The following DHTKD1 variants were observed in gnomAD, a reference collection of about 807,000 sequenced individuals.
The protein encoded by DHTKD1 is dehydrogenase E1 and transketolase domain containing 1, also known as 2-oxoadipate dehydrogenase complex component E1.
DHTKD1 carries 78 observed loss-of-function variants against 101.8 expected under a neutral mutation model. That is an observed-to-expected ratio of 0.77 (90% CI 0.64 to 0.93). The LOEUF (loss-of-function observed/expected upper bound fraction) is 0.93, where lower values mean the gene tolerates loss of function less well. DHTKD1 is among the 40% of genes least tolerant of loss of function. DHTKD1 has a pLI of 0.00. For missense variants in DHTKD1, 1,223 were observed against 1,161.7 expected (o/e 1.05, Z -0.77); for synonymous variants, 462 against 450.3 (o/e 1.03, Z -0.33).
At chr10:12,070,717 G>A (rs1198515589) in intron 1 of DHTKD1, among the ~76,000 whole-genome samples, 2 of 152,254 alleles carry the variant, frequency 1.3e-5, no homozygotes, top group African/African-American at 2.4e-5. Flanking sequence ...TTGAACTCCC[G>A]ACCTGAAGTG....
chr10:12,074,850 T>C (rs1832702257), intron 1 of DHTKD1, among the ~76,000 whole-genome samples: 1 of 152,072 alleles, frequency 6.6e-6, no homozygotes. Flanking sequence ...CCCATTCCCA[T>C]TGCAAACCAG....
chr10:12,080,443 T>C (rs1832798540), intron 1 of DHTKD1, among the ~76,000 whole-genome samples: 1 of 151,956 alleles, frequency 6.6e-6, no homozygotes, highest in African/African-American at 2.4e-5. Flanking sequence ...CCAGGTACAT[T>C]GGTTCACGCC....
intron 7 of DHTKD1, among the ~76,000 whole-genome samples, chr10:12,096,404 G>A (rs1669148175): frequency 6.6e-6 from 1 of 151,900 alleles, no homozygotes; most frequent in South Asian, 2.1e-4. Context: ...TTATTTTTTT[G>A]AGACACGGTC....
At chr10:12,071,758 C>G (rs1017705158) in intron 1 of DHTKD1, among the ~76,000 whole-genome samples, 7 of 152,082 alleles carry the variant, frequency 4.6e-5, no homozygotes. Context: ...GAACTCCTGT[C>G]CTCAGGTGAA....
rs1238717523 is a variant in DHTKD1 at position 12,118,901 on chromosome 10, A to G, written c.2555A>G (p.Lys852Arg). The change falls in exon 15 of 17, where the codon AAA (lysine) becomes AGA (arginine). Residue 852 changes from lysine (K) to arginine (R), a missense_variant. Lys to Arg is a conservative substitution (Grantham distance 26). Transcript: ENST00000263035. ...GATTCTTTACAGCAAGAGATGAGCA[A>G]ATACAAACATGTTAAAGGTAAGAGG... The part of the protein sequence containing the change: ...PLDSLQQEMS[K>R]YKHVKDHIWS... 3.8e-6 allele frequency: 6 copies of G among 1,581,028 alleles called. No homozygotes were observed. The highest frequency in any genetic ancestry group is 8.6e-7 in the Non-Finnish European group (1 of 1,164,758).
At chr10:12,081,972 A>T (rs1032120329) in intron 2 of DHTKD1, among the ~76,000 whole-genome samples, 5 of 151,766 alleles carry the variant, frequency 3.3e-5, no homozygotes, top group East Asian at 1.9e-4. Context: ...AAAAAAAAAA[A>T]AAAAAATAAC....
Position 12,089,230 on chromosome 10 carries a change from C to T in DHTKD1, c.962C>T (p.Pro321Leu), listed in dbSNP as rs755528865. The T allele has an allele frequency of 4.0e-5, 64 of 1,613,924 alleles. No individual in the cohort carries two copies. Among genetic ancestry groups the T allele is most frequent in the Non-Finnish European group, 5.0e-5 (59 of 1,180,042 alleles). The change falls in exon 5 of 17, where the codon CCG (proline) becomes CTG (leucine). Residue 321 changes from proline to leucine, a missense_variant. Pro to Leu is a moderately conservative substitution (Grantham distance 98). Coordinates refer to ENST00000263035, the MANE Select transcript of DHTKD1 (RefSeq NM_018706.7). The stretch of plus-strand genomic sequence containing the variant: ...TACTCTCCAGACAACTCAGCCCAGC[C>T]GGGGGACAGGGTCATTTGCTTACAG... ...GDYSPDNSAQ[P>L]GDRVICLQVH...
In DHTKD1 at chr10:12,081,976, A is replaced by T. The variant is rs557462922; in HGVS notation, c.310+349A>T. Among the ~76,000 whole-genome samples, 129 of 149,656 alleles carry T rather than the reference A, an allele frequency of 8.6e-4. 1 individual carries two copies. Among genetic ancestry groups the T allele is most frequent in the Admixed American group, 4.9e-3 (73 of 14,932 alleles). On this transcript the variant is annotated intron_variant, in intron 2 of 16. Coordinates refer to ENST00000263035, the MANE Select transcript of DHTKD1 (RefSeq NM_018706.7). ...CTGTCTCTACAAAAAAAAAAAAAAA[A>T]AATAACTGGGCATGGTGGTGCACGC...
At position 12,107,321 on chromosome 10, in the gene DHTKD1, G is replaced by T. The variant is rs756783302; in HGVS notation, c.2048-588G>T. Among the ~76,000 whole-genome samples, 7 of 151,950 alleles carry T rather than the reference G, an allele frequency of 4.6e-5. No individual in the cohort carries two copies. Among genetic ancestry groups the T allele is most frequent in the Non-Finnish European group, 1.0e-4 (7 of 67,940 alleles). On this transcript the variant is annotated intron_variant, in intron 11 of 16. Coordinates refer to ENST00000263035, the MANE Select transcript of DHTKD1 (RefSeq NM_018706.7). This position sits in a 1 kb window ranked among gnomAD's most constrained non-coding sequence, Gnocchi z 4.1. ...CATTCTTGTAAGAGTGGTGCCTGCG[G>T]TGGTATTGGAGCGGCATGTGCTGTC...
chr10:12,098,687 C>T (rs1833111542), intron 8 of DHTKD1, among the ~76,000 whole-genome samples: 1 of 152,162 alleles, frequency 6.6e-6, no homozygotes. Context: ...GCCTCAGCCT[C>T]CTGAGTAGCT....
At chr10:12,114,180 A>G (rs573069880) in intron 13 of DHTKD1, among the ~76,000 whole-genome samples, 1 of 152,294 alleles carries the variant, frequency 6.6e-6, no homozygotes, top group African/African-American at 2.4e-5. Context: ...TCAAATCACA[A>G]AAATATGCTA....
At chr10:12,105,704 A>G (rs184791375) in intron 10 of DHTKD1, among the ~76,000 whole-genome samples, 3 of 152,288 alleles carry the variant, frequency 2.0e-5, no homozygotes, top group Admixed American at 2.0e-4. Context: ...GAAACTCTGT[A>G]ATACCCATAT....
chr10:12,112,346 A>C (rs897676818), intron 12 of DHTKD1, among the ~76,000 whole-genome samples: 3 of 151,892 alleles, frequency 2.0e-5, no homozygotes, highest in Non-Finnish European at 4.4e-5. Context: ...GATTTTGTCA[A>C]CTCTCTTTCT....
chr10:12,109,470 A>G (rs1364464442), intron 12 of DHTKD1, among the ~76,000 whole-genome samples: 2 of 151,116 alleles, frequency 1.3e-5, no homozygotes, highest in African/African-American at 2.4e-5. Context: ...CAGCCACTAG[A>G]TGACATTGAC....
intron 8 of DHTKD1, among the ~76,000 whole-genome samples, chr10:12,099,141 G>T (rs961988419): frequency 2.0e-5 from 3 of 151,610 alleles, no homozygotes; most frequent in African/African-American, 4.8e-5. Context: ...CTGTACTCCA[G>T]CCTGGGTGAC....
chr10:12,073,233 A>G (rs1301170443), intron 1 of DHTKD1, among the ~76,000 whole-genome samples: 2 of 151,364 alleles, frequency 1.3e-5, no homozygotes, highest in Non-Finnish European at 2.9e-5. Flanking sequence ...TGGTTTCACC[A>G]TATTGGCCAG....
At position 12,084,651 on chromosome 10, in the gene DHTKD1, A is replaced by G. The variant is rs1373929278; in HGVS notation, c.422A>G (p.Asp141Gly). ...GAAACCTCCCAACTTCAGAGCCAGG[A>G]TGAGAAAGACTGGTTTGCCAAGCGG... The part of the protein sequence containing the change: ...SIETSQLQSQ[D>G]EKDWFAKRFE... The change falls in exon 3 of 17, where the codon GAT becomes GGT. Residue 141 changes from aspartate (D) to glycine (G), a missense_variant. Physicochemically the swap from Asp to Gly is moderately conservative, Grantham distance 94. Coordinates refer to ENST00000263035, the MANE Select transcript of DHTKD1 (RefSeq NM_018706.7). The G allele has an allele frequency of 6.2e-7, 1 of 1,614,042 alleles. No individual in the cohort carries two copies.
intron 10 of DHTKD1, 128 bp downstream of exon 10, chr10:12,101,309 A>G (rs1019071057): frequency 1.0e-5 from 10 of 995,652 alleles, no homozygotes; most frequent in Non-Finnish European, 1.4e-5. Flanking sequence ...GGAGTGCTAA[A>G]TGGGTGGATG....
intron 1 of DHTKD1, among the ~76,000 whole-genome samples, chr10:12,077,674 G>A (rs1648958585): frequency 6.6e-6 from 1 of 152,186 alleles, no homozygotes; most frequent in Admixed American, 6.6e-5. Context: ...ACTAATGATA[G>A]GGAGATGTCA....
Sources: gnomAD v4.1 joint callset for allele counts (sites outside exome capture counted in the v4.1 genomes callset) on GRCh38, gnomAD v4.1.1 for gene constraint, Gnocchi (gnomAD v3.1) non-coding constraint, MANE v1.5 for transcripts, NCBI Gene and HGNC (gene_info 2026-07-23, HGNC 2026-07-21) for gene names.